Variants in ECI2 observed in about 807,000 individuals in gnomAD.
The protein encoded by ECI2 is enoyl-CoA delta isomerase 2.
A neutral mutation model predicts 38.4 loss-of-function variants in ECI2; 27 were observed. That is an observed-to-expected ratio of 0.70 (90% CI 0.52 to 0.97). The LOEUF is 0.97. Among genes scored for constraint, ECI2 ranks in the 50% least tolerant of loss-of-function variants. The pLI, the probability that ECI2 is intolerant of heterozygous loss-of-function variation, is 0.00. For synonymous variants in ECI2, 168 were observed against 172.0 expected (o/e 0.98, Z 0.18); for missense variants, 470 against 474.4 (o/e 0.99, Z 0.09).
Position 4,130,388 on chromosome 6 carries a change from T to A in ECI2, c.485A>T (p.Asn162Ile). 1 of 1,614,236 alleles carries A rather than the reference T, an allele frequency of 6.2e-7. No individual in the cohort carries two copies. Among genetic ancestry groups the A allele is most frequent in the Non-Finnish European group, 8.5e-7 (1 of 1,180,032 alleles). ...KIMFNRPKKK[N>I]AINTEMYHEI... ...TAACATTACCTCAGTGTTTATGGCA[T>A]TTTTCTTTTTGGGCCGGTTGAACAT... The change falls in exon 4 of 10, where the codon AAT (asparagine) becomes ATT (isoleucine). Residue 162 changes from asparagine (N) to isoleucine (I), a missense_variant. Physicochemically the swap from Asn to Ile is moderately radical, Grantham distance 149. Transcript: ENST00000380118.
In ECI2 at chr6:4,125,235, T is replaced by C. The variant is rs1247570455; in HGVS notation, c.795+15A>G. 2 of 1,613,300 alleles carry C rather than the reference T, an allele frequency of 1.2e-6. No individual in the cohort carries two copies. The highest frequency in any genetic ancestry group is 1.7e-6 in the Non-Finnish European group (2 of 1,179,634). On this transcript the variant is annotated intron_variant, in intron 7 of 9. Coordinates refer to ENST00000380118, the MANE Select transcript of ECI2 (RefSeq NM_206836.3). ...GCTGCTTGCCTGACCTCTTGCTTTCTAGGAGCTGACTTACCCTGTCAGATG... is the reference window on the plus strand; with the variant it reads ...GCTGCTTGCCTGACCTCTTGCTTTCCAGGAGCTGACTTACCCTGTCAGATG...
Position 4,130,524 on chromosome 6 carries a change from T to C in ECI2, c.349A>G (p.Ser117Gly), listed in dbSNP as rs1364740963. The C allele has an allele frequency of 6.2e-7, 1 of 1,614,234 alleles. No homozygotes were observed. The highest frequency in any genetic ancestry group is 1.7e-5 in the Admixed American group (1 of 60,020). Reference sequence around the variant, plus strand: ...GAGGATTCCAATGAAGGACTCAAACTGGACACCAAATCCACATAGTTCTGC... The same window carrying C: ...GAGGATTCCAATGAAGGACTCAAACCGGACACCAAATCCACATAGTTCTGC... ...ARQNYVDLVS[S>G]LSPSLESSSQ... Residue 117 changes from serine (S) to glycine (G), a missense_variant, in exon 4 of 10, where the codon AGT (serine) becomes GGT (glycine). Physicochemically the swap from Ser to Gly is moderately conservative, Grantham distance 56. Coordinates refer to ENST00000380118, the MANE Select transcript of ECI2 (RefSeq NM_206836.3).
intron 5 of ECI2, 48 bp downstream of exon 5, chr6:4,127,714 G>T (rs922781811): frequency 6.3e-7 from 1 of 1,576,644 alleles, no homozygotes; most frequent in African/African-American, 1.4e-5. Flanking sequence ...CTATTAAGAG[G>T]CCCCTCAAAA....
intron 8 of ECI2, 191 bp downstream of exon 8, chr6:4,118,995 T>G: frequency 2.0e-6 from 1 of 488,466 alleles, no homozygotes; most frequent in Non-Finnish European, 3.6e-6. Context: ...ATTTCTAATT[T>G]TCCTGCATAG....
At chr6:4,123,889 A>C (rs1035980877) in intron 7 of ECI2, among the ~76,000 whole-genome samples, 2 of 151,404 alleles carry the variant, frequency 1.3e-5, no homozygotes, top group African/African-American at 4.9e-5. Flanking sequence ...TGAACCCGGG[A>C]GGTGGTGGCT....
chr6:4,131,702 C>A (rs565990686), intron 2 of ECI2, among the ~76,000 whole-genome samples: 5 of 151,690 alleles, frequency 3.3e-5, no homozygotes, highest in African/African-American at 1.2e-4. Context: ...ACTAAAAATA[C>A]AAAAATTAGC....
At position 4,119,291 on chromosome 6, in the gene ECI2, A is replaced by G; in HGVS notation, c.796-16T>C. ...GAAATGTTGCCTGCAGAGGCAGGAG[A>G]GAAAAGAAAACCATCTTTTCATGTG... On this transcript the variant is annotated splice_polypyrimidine_tract_variant and intron_variant, in intron 7 of 9. Coordinates refer to ENST00000380118, the MANE Select transcript of ECI2 (RefSeq NM_206836.3). 2 of 1,562,252 alleles carry G rather than the reference A, an allele frequency of 1.3e-6. No individual in the cohort carries two copies. The highest frequency in any genetic ancestry group is 1.7e-6 in the Non-Finnish European group (2 of 1,150,340).
Position 4,130,463 on chromosome 6 carries a change from G to C in ECI2, c.410C>G (p.Thr137Ser). The C allele has an allele frequency of 6.2e-7, 1 of 1,614,200 alleles. No homozygotes were observed. Residue 137 changes from threonine to serine, a missense_variant, in exon 4 of 10, where the codon ACT (threonine) becomes AGT (serine). By Grantham distance (58) the Thr-to-Ser change is moderately conservative (BLOSUM62 1). Coordinates refer to ENST00000380118, the MANE Select transcript of ECI2 (RefSeq NM_206836.3). ...GGTCACCACCAGAGTTTCAAACCCA[G>C]TTGATTTCCTGTCTGTTCCAGGCTC... The part of the protein sequence containing the change: ...QVEPGTDRKS[T>S]GFETLVVTSE...
Position 4,125,260 on chromosome 6 carries a change from G to A in ECI2, c.785C>T (p.Ala262Val). The change falls in exon 7 of 10, where the codon GCA becomes GTA. Residue 262 changes from alanine (A) to valine (V), a missense_variant. Physicochemically the swap from Ala to Val is moderately conservative, Grantham distance 64. Transcript: ENST00000380118. ...TLLGLFDAVY[A>V]SDRATFHTPF... The stretch of plus-strand genomic sequence containing the variant: ...TAGGAGCTGACTTACCCTGTCAGAT[G>A]CATACACGGCATCGAATAGCCCAAG... The A allele has an allele frequency of 1.2e-6, 2 of 1,614,080 alleles. No individual in the cohort carries two copies. The highest frequency in any genetic ancestry group is 2.2e-5 in the East Asian group (1 of 44,882).
intron 2 of ECI2, among the ~76,000 whole-genome samples, chr6:4,132,167 G>A (rs1297978088): frequency 3.3e-5 from 5 of 152,208 alleles, no homozygotes; most frequent in Non-Finnish European, 7.3e-5. Flanking sequence ...ATAGAGATTA[G>A]AATCATCCAA....
intron 2 of ECI2, among the ~76,000 whole-genome samples, chr6:4,132,541 A>C (rs909440554): frequency 6.6e-6 from 1 of 152,174 alleles, no homozygotes; most frequent in Non-Finnish European, 1.5e-5. Context: ...TATGAAAGAG[A>C]AGCTCATACC....
rs755891229 is a variant in ECI2, at chr6:4,126,187, T to TA, written c.621dup (p.Ile208TyrfsTer11). ...TTCTCCTCTACTCCACCAGGGGGAA[T>TA]ATCAGTGAAGTTAGTCAGATCATTC... On this transcript the variant is annotated frameshift_variant, in exon 6 of 10. Coordinates refer to ENST00000380118, the MANE Select transcript of ECI2 (RefSeq NM_206836.3). LOFTEE classifies it high-confidence loss of function. The TA allele has an allele frequency of 1.2e-6, 2 of 1,613,920 alleles. No homozygotes were observed. Among genetic ancestry groups the TA allele is most frequent in the Non-Finnish European group, 1.7e-6 (2 of 1,179,970 alleles).
intron 2 of ECI2, among the ~76,000 whole-genome samples, chr6:4,133,074 TTTTC>T (rs1773567536): frequency 6.6e-6 from 1 of 152,134 alleles, no homozygotes; most frequent in African/African-American, 2.4e-5. Flanking sequence ...TCATCTATCC[TTTTC>T]TTTTTGTGCT....
chr6:4,133,284 G>A (rs1773577419), intron 2 of ECI2, among the ~76,000 whole-genome samples: 1 of 152,020 alleles, frequency 6.6e-6, no homozygotes, highest in Admixed American at 6.6e-5. Flanking sequence ...CTAATCAAGA[G>A]CTAAGTAAGG....
intron 1 of ECI2, chr6:4,135,202 G>A (rs778719273): frequency 3.0e-5 from 23 of 760,832 alleles, no homozygotes; most frequent in Non-Finnish European, 4.5e-5. Flanking sequence ...CGGCTCACCC[G>A]CCCGGAGTCC....
At chr6:4,116,083 A>G (rs753943014) in intron 9 of ECI2, 54 bp from the exon 10 acceptor site, 1 of 1,565,810 alleles carries the variant, frequency 6.4e-7, no homozygotes, top group South Asian at 1.2e-5. Context: ...CTGGACGTGG[A>G]CTCATGCCTG....
chr6:4,127,695 A>G, intron 5 of ECI2, 67 bp downstream of exon 5: 1 of 1,534,926 alleles, frequency 6.5e-7, no homozygotes, highest in East Asian at 2.3e-5. Context: ...TTTTAACTCA[A>G]TTTCCTATCT....
At position 4,119,346 on chromosome 6, in the gene ECI2, G is replaced by C; in HGVS notation, c.796-71C>G. 2.4e-6 allele frequency: 3 copies of C among 1,236,742 alleles called. No homozygotes were observed. In the South Asian group the frequency reaches 4.0e-5, roughly 16 times the overall value. 76.6% of individuals were successfully genotyped at this position (1,236,742 alleles called of 1,614,324 possible). On this transcript the variant is annotated intron_variant, in intron 7 of 9. Transcript: ENST00000380118. ...TTTTTTTTTTTTTTTTGAGACAAAG[G>C]GTTTCGCTCTTTTGCCCAGGCTGCA...
chr6:4,119,018 A>G (rs1331318291), intron 8 of ECI2, 168 bp downstream of exon 8: 3 of 575,724 alleles, frequency 5.2e-6, no homozygotes, highest in Non-Finnish European at 8.9e-6. Context: ...GATACTTCCC[A>G]TAGCCTGATT....
Sources: allele counts gnomAD v4.1 joint callset (sites outside exome capture counted in the v4.1 genomes callset), GRCh38; gene constraint gnomAD v4.1.1; transcripts MANE v1.5; gene names NCBI Gene and HGNC (gene_info 2026-07-23, HGNC 2026-07-21).